DPAGT1: variants seen among roughly 807,000 people sequenced by gnomAD.
DPAGT1 encodes the protein UDP-N-acetylglucosamine--dolichyl-phosphate N-acetylglucosaminephosphotransferase.
Under a neutral mutation model 39.3 loss-of-function variants are expected in DPAGT1, and 25 were observed. The ratio of observed to expected loss-of-function variants is 0.64; its 90% CI spans 0.46 to 0.89. The LOEUF (loss-of-function observed/expected upper bound fraction) is 0.89. DPAGT1 is among the 40% of genes least tolerant of loss of function. The pLI, the probability that DPAGT1 is intolerant of heterozygous loss-of-function variation, is 0.00. For synonymous variants in DPAGT1, 193 were observed against 201.4 expected (o/e 0.96, Z 0.36); for missense variants, 381 against 500.6 (o/e 0.76, Z 2.28).
Position 119,101,584 on chromosome 11 carries a change from G to A in DPAGT1, c.72C>T (p.Ala24=), listed in dbSNP as rs369702331. ...GGAAGGCCGGGATGAGGGTGACTGT[G>A]GCCACAAATCCCAGCAGCGAGACGA... ...NLIVSLLGFV[A]TVTLIPAFRG... is the part of the protein sequence containing the mutation. Residue 24 remains alanine (A), a synonymous_variant, in exon 1 of 9, where the codon GCC becomes GCT. Coordinates refer to ENST00000354202, the MANE Select transcript of DPAGT1 (RefSeq NM_001382.4). The A allele has an allele frequency of 6.2e-7, 1 of 1,614,142 alleles. No homozygotes were observed. Among genetic ancestry groups the A allele is most frequent in the African/African-American group, 1.3e-5 (1 of 74,948 alleles).
Position 119,097,173 on chromosome 11 carries a change from C to T in DPAGT1, c.1130G>A (p.Arg377Lys), listed in dbSNP as rs765254519. ...LLKVLGPIHE[R>K]NLTLLLLLLQ... ...CAGCAGCAGGAGCAATGTGAGGTTT[C>T]TCTCATGTATGGGCCCAAGGACTTT... Residue 377 changes from arginine (R) to lysine (K), a missense_variant, in exon 8 of 9, where the codon AGA (arginine) becomes AAA (lysine). Coordinates refer to ENST00000354202, the MANE Select transcript of DPAGT1 (RefSeq NM_001382.4). The surrounding 1 kb of genome is among the most constrained non-coding windows in gnomAD (Gnocchi z 4.6). 4 of 1,614,126 alleles carry T rather than the reference C, an allele frequency of 2.5e-6. No individual in the cohort carries two copies. The highest frequency in any genetic ancestry group is 3.4e-6 in the Non-Finnish European group (4 of 1,180,024).
chr11:119,095,383 G>A, downstream of DPAGT1: 3 of 1,564,452 alleles, frequency 1.9e-6, no homozygotes, highest in East Asian at 6.8e-5. Flanking sequence ...CAGTCTTGCC[G>A]CGGCCCGACA....
intron 5 of DPAGT1, 52 bp downstream of exon 5, chr11:119,098,351 C>T (rs1482806740): frequency 3.4e-5 from 54 of 1,575,896 alleles, no homozygotes; most frequent in Non-Finnish European, 4.5e-5. Flanking sequence ...TGATAAGGGC[C>T]ATCTTTGCCA....
In DPAGT1 at chr11:119,096,814, C is replaced by A; in HGVS notation, c.*184G>T. The A allele has an allele frequency of 1.4e-6, 1 of 719,988 alleles. No homozygotes were observed. The highest frequency in any genetic ancestry group is 1.7e-5 in the South Asian group (1 of 59,012). 44.6% of individuals were successfully genotyped at this position (719,988 alleles called of 1,614,324 possible). On this transcript the variant is annotated 3_prime_UTR_variant, in exon 9 of 9. Transcript: ENST00000354202. ...TAGGTAAAATCCAATCAGTAGTCAGCAGAGGGCAAGAAACGCCCAGGATGC... is the reference window on the plus strand; with the variant it reads ...TAGGTAAAATCCAATCAGTAGTCAGAAGAGGGCAAGAAACGCCCAGGATGC...
At chr11:119,098,943 A>G (rs1197373620) in intron 4 of DPAGT1, among the ~76,000 whole-genome samples, 4 of 152,370 alleles carry the variant, frequency 2.6e-5, no homozygotes, top group African/African-American at 7.2e-5. Context: ...AAACACATCT[A>G]TAGTTCAAAG....
At chr11:119,094,823 GGGGAGGGGAA>G, downstream of DPAGT1, 1 of 898,740 alleles carries the variant, frequency 1.1e-6, no homozygotes, top group Non-Finnish European at 1.6e-6. Context: ...GGCGAGGGGA[GGGGAGGGGAA>G]GGGAGCCGCG....
rs1160453919 is a variant in DPAGT1, at chr11:119,101,567, G to C, written c.89C>G (p.Pro30Arg). 2 of 1,614,256 alleles carry C rather than the reference G, an allele frequency of 1.2e-6. No homozygotes were observed. Among genetic ancestry groups the C allele is most frequent in the Non-Finnish European group, 1.7e-6 (2 of 1,180,046 alleles). ...AGCAATGAAGTGGCCCCGGAAGGCC[G>C]GGATGAGGGTGACTGTGGCCACAAA... The part of the protein sequence containing the change: ...LGFVATVTLI[P>R]AFRGHFIAAR... The change falls in exon 1 of 9, where the codon CCG (proline) becomes CGG (arginine). Residue 30 changes from proline to arginine, a missense_variant. Physicochemically the swap from Pro to Arg is moderately radical, Grantham distance 103 (BLOSUM62 -2). Coordinates refer to ENST00000354202, the MANE Select transcript of DPAGT1 (RefSeq NM_001382.4).
chr11:119,096,981 G>A lies in DPAGT1; in HGVS notation c.*17C>T, dbSNP rs767714392. 8.1e-6 allele frequency: 13 copies of A among 1,613,842 alleles called. No individual in the cohort carries two copies. In the African/African-American group the frequency reaches 1.7e-4, roughly 22 times the overall value. On this transcript the variant is annotated 3_prime_UTR_variant, in exon 9 of 9. Transcript: ENST00000354202. ...GAATCCTAGAGACTGTGAGGTAAAG[G>A]ACAATGATCAAGGGACTCAGACATC...
At position 119,097,215 on chromosome 11, in the gene DPAGT1, A is replaced by G; in HGVS notation, c.1088T>C (p.Leu363Pro). Residue 363 changes from leucine to proline, a missense_variant, in exon 8 of 9, where the codon CTC (leucine) becomes CCC (proline). Physicochemically the swap from Leu to Pro is moderately conservative, Grantham distance 98 (BLOSUM62 -3). Coordinates refer to ENST00000354202, the MANE Select transcript of DPAGT1 (RefSeq NM_001382.4). This position sits in a 1 kb window ranked among gnomAD's most constrained non-coding sequence, Gnocchi z 4.6. ...AAGGACTTTAAGTAGCAAGTTGATG[A>G]GGGTCATGTTGTTACATTCAGTGAA... Reference protein sequence around the residue: ...GEFTECNNMTLINLLLKVLGP... With the variant: ...GEFTECNNMTPINLLLKVLGP... 2 of 1,614,180 alleles carry G rather than the reference A, an allele frequency of 1.2e-6. No homozygotes were observed. Among genetic ancestry groups the G allele is most frequent in the Non-Finnish European group, 8.5e-7 (1 of 1,180,038 alleles).
At chr11:119,095,053 G>C (rs766183804), downstream of DPAGT1, 2 of 1,613,780 alleles carry the variant, frequency 1.2e-6, no homozygotes, top group Non-Finnish European at 1.7e-6. Flanking sequence ...GCAGCAGCAC[G>C]GCCTGGATGT....
intron 4 of DPAGT1, among the ~76,000 whole-genome samples, chr11:119,099,055 T>C (rs1946447613): frequency 1.3e-5 from 2 of 152,134 alleles, no homozygotes; most frequent in Non-Finnish European, 2.9e-5. Context: ...GGGCTTGTAG[T>C]AGCGTTTGTT....
downstream of DPAGT1, chr11:119,093,978 C>T (rs1946349955): frequency 1.3e-5 from 2 of 153,948 alleles, no homozygotes; most frequent in Non-Finnish European, 2.9e-5. Context: ...AGTTCAGAAG[C>T]CAACGGAGGC....
In DPAGT1 at chr11:119,100,841, A is replaced by C; in HGVS notation, c.285T>G (p.Phe95Leu). The change falls in exon 3 of 9, where the codon TTT becomes TTG. Residue 95 changes from phenylalanine (F) to leucine (L), a missense_variant and splice_region_variant. Phe to Leu is a conservative substitution (Grantham distance 22). Transcript: ENST00000354202. ...EQCKAFPHHEFVALIGALLAI... is the reference protein window; with the variant it reads ...EQCKAFPHHELVALIGALLAI... Reference sequence around the variant, plus strand: ...CAAGGAGGGCACCTATCAGGGCCACAAACTGGGGGAGGCTCGGGCAGGTCC... The same window carrying C: ...CAAGGAGGGCACCTATCAGGGCCACCAACTGGGGGAGGCTCGGGCAGGTCC... 1 of 1,614,208 alleles carries C rather than the reference A, an allele frequency of 6.2e-7. No individual in the cohort carries two copies.
chr11:119,100,118 T>G, intron 4 of DPAGT1, 144 bp downstream of exon 4: 1 of 1,317,730 alleles, frequency 7.6e-7, no homozygotes, highest in Non-Finnish European at 1.1e-6. Context: ...TAAATCTGCA[T>G]TGTTATTTGC....
Position 119,097,357 on chromosome 11 carries a change from C to T in DPAGT1, c.1006-60G>A. 1 of 1,613,366 alleles carries T rather than the reference C, an allele frequency of 6.2e-7. No homozygotes were observed. Among genetic ancestry groups the T allele is most frequent in the Non-Finnish European group, 8.5e-7 (1 of 1,179,360 alleles). On this transcript the variant is annotated intron_variant, in intron 7 of 8. Transcript: ENST00000354202. The surrounding 1 kb of genome is among the most constrained non-coding windows in gnomAD (Gnocchi z 4.6). ...ATACCTATGCTTTAGGAATGTGGAT[C>T]TATTTAATGCTTTCAAGTTCCCCTT...
rs1213498601 is a variant in DPAGT1, at chr11:119,101,137, G to C, written c.163C>G (p.Pro55Ala). The C allele has an allele frequency of 6.2e-7, 1 of 1,614,044 alleles. No homozygotes were observed. Among genetic ancestry groups the C allele is most frequent in the Admixed American group, 1.7e-5 (1 of 60,026 alleles). ...CCGCTGATCACTCCCTGGGATTCTG[G>C]GCTGTGGCCCAGCAGCAAGGGGGCG... is the stretch of plus-strand genomic sequence containing the variant. ...DLNKTSRQQI[P>A]ESQGVISGAV... The change falls in exon 2 of 9, where the codon CCA becomes GCA. Residue 55 changes from proline to alanine, a missense_variant and splice_region_variant. Physicochemically the swap from Pro to Ala is conservative, Grantham distance 27. Transcript: ENST00000354202.
Position 119,100,168 on chromosome 11 carries a change from A to C in DPAGT1, c.643+94T>G, listed in dbSNP as rs603826. ...CCCTTATCTTCTATAATTACTATGC[A>C]TATTGCTTTTTTCCCCTGAATTTCC... is the stretch of plus-strand genomic sequence containing the variant. On this transcript the variant is annotated intron_variant, in intron 4 of 8. Coordinates refer to ENST00000354202, the MANE Select transcript of DPAGT1 (RefSeq NM_001382.4). The C allele has an allele frequency of 0.35, 551,236 of 1,565,120 alleles. 101,250 individuals carry two copies. Among genetic ancestry groups the C allele is most frequent in the East Asian group, 0.47 (21,050 of 44,578 alleles).
At chr11:119,095,790 G>A (rs1946383034), downstream of DPAGT1, among the ~76,000 whole-genome samples, 1 of 152,052 alleles carries the variant, frequency 6.6e-6, no homozygotes, top group Non-Finnish European at 1.5e-5. Flanking sequence ...GCCACCTAGA[G>A]AGCGTCTGGG....
downstream of DPAGT1, chr11:119,095,338 C>G (rs1367724161): frequency 2.5e-6 from 4 of 1,601,606 alleles, no homozygotes; most frequent in Admixed American, 3.4e-5. Context: ...CGGCGCGCGA[C>G]GAGCGCGACT....
Sources: gnomAD v4.1 joint callset for allele counts (sites outside exome capture counted in the v4.1 genomes callset) on GRCh38, gnomAD v4.1.1 for gene constraint, Gnocchi (gnomAD v3.1) non-coding constraint, MANE v1.5 for transcripts, NCBI Gene and HGNC (gene_info 2026-07-23, HGNC 2026-07-21) for gene names.